AOPEP: variants seen among roughly 807,000 people sequenced by gnomAD.
The protein encoded by AOPEP is aminopeptidase O (putative), also known as aminopeptidase O.
AOPEP carries 77 observed loss-of-function variants against 98.1 expected under a neutral mutation model. The observed-to-expected ratio is 0.78, with a 90% CI of 0.65 to 0.95. AOPEP has a LOEUF of 0.95. Among genes scored for constraint, AOPEP ranks in the 40% least tolerant of loss-of-function variants. AOPEP has a pLI of 0.00. For synonymous variants in AOPEP, 346 were observed against 365.3 expected (o/e 0.95, Z 0.60); for missense variants, 1,024 against 1,024.7 (o/e 1.00, Z 0.01).
chr9:94,798,851 A>G (rs1375848085), intron 4 of AOPEP, among the ~76,000 whole-genome samples: 4 of 152,216 alleles, frequency 2.6e-5, no homozygotes. Context: ...AGTACTTGTC[A>G]TTAGGTGGGC....
intron 5 of AOPEP, among the ~76,000 whole-genome samples, chr9:94,895,989 T>C (rs2136141383): frequency 6.6e-6 from 1 of 152,340 alleles, no homozygotes; most frequent in East Asian, 1.9e-4. Context: ...CTAAAATATT[T>C]GCTATCCTTT....
At chr9:94,940,593 C>CAATA (rs535492432) in intron 7 of AOPEP, among the ~76,000 whole-genome samples, 6 of 151,874 alleles carry the variant, frequency 4.0e-5, no homozygotes, top group Admixed American at 6.6e-5. Flanking sequence ...GACTCCATCT[C>CAATA]AATAAATAAA....
chr9:94,782,390 CTG>C (rs1449887663), intron 3 of AOPEP, among the ~76,000 whole-genome samples: 1 of 152,166 alleles, frequency 6.6e-6, no homozygotes, highest in African/African-American at 2.4e-5. Context: ...AAAAGTAAGA[CTG>C]TAGACATTAC....
chr9:94,869,623 G>C (rs1254434501), intron 5 of AOPEP, among the ~76,000 whole-genome samples: 1 of 152,214 alleles, frequency 6.6e-6, no homozygotes, highest in African/African-American at 2.4e-5. Context: ...TTTTGGGTTA[G>C]ACCATTTACC....
rs1257070119 is a variant in AOPEP at position 94,800,885 on chromosome 9, T to G, written c.1247T>G (p.Leu416Arg). ...VCLTGACQETLLRLIPPCLSA... is the reference protein window; with the variant it reads ...VCLTGACQETRLRLIPPCLSA... Reference sequence around the variant, plus strand: ...CTCACGGGTGCCTGCCAAGAGACCCTTCTGCGGCTGATCCCTCCTTGCCTC... The same window carrying G: ...CTCACGGGTGCCTGCCAAGAGACCCGTCTGCGGCTGATCCCTCCTTGCCTC... The change falls in exon 5 of 17, where the codon CTT (leucine) becomes CGT (arginine). Residue 416 changes from leucine to arginine, a missense_variant. Leu to Arg is a moderately radical substitution (Grantham distance 102). Coordinates refer to ENST00000375315, the MANE Select transcript of AOPEP (RefSeq NM_001193329.3). The G allele has an allele frequency of 3.7e-6, 6 of 1,614,164 alleles. No individual in the cohort carries two copies. Among genetic ancestry groups the G allele is most frequent in the Non-Finnish European group, 5.1e-6 (6 of 1,180,028 alleles).
Position 94,955,217 on chromosome 9 carries a change from G to A in AOPEP, c.1702G>A (p.Ala568Thr). 6.2e-7 allele frequency: 1 copy of A among 1,613,658 alleles called. No individual in the cohort carries two copies. Among genetic ancestry groups the A allele is most frequent in the South Asian group, 1.1e-5 (1 of 90,950 alleles). The change falls in exon 8 of 17, where the codon GCA becomes ACA. Residue 568 changes from alanine to threonine, a missense_variant. Transcript: ENST00000375315. Reference sequence around the variant, plus strand: ...AACTGGCCACACAAGTGACTCGGGAGCATCTGTTATCAAGCATGGACTTAA... The same window carrying A: ...AACTGGCCACACAAGTGACTCGGGAACATCTGTTATCAAGCATGGACTTAA... ...DKTGHTSDSG[A>T]SVIKHGLNPE...
At chr9:94,727,868 C>T (rs1226754912) in intron 1 of AOPEP, among the ~76,000 whole-genome samples, 1 of 152,152 alleles carries the variant, frequency 6.6e-6, no homozygotes, top group Non-Finnish European at 1.5e-5. Context: ...CAACACTTTG[C>T]ATATGTTTTC....
chr9:94,916,934 G>A (rs571798732), intron 5 of AOPEP, among the ~76,000 whole-genome samples: 20 of 152,188 alleles, frequency 1.3e-4, no homozygotes, highest in Non-Finnish European at 2.1e-4. Context: ...CACATTGAGA[G>A]AGGGAAAGGA....
At position 94,797,159 on chromosome 9, in the gene AOPEP, C is replaced by T. The variant is rs558337794; in HGVS notation, c.1119-3598C>T. ...TGTAAAAAGCACAGAATTGGCCAGG[C>T]GCGGTGGCTCACGCCATTAATCCCA... On this transcript the variant is annotated intron_variant, in intron 4 of 16. Transcript: ENST00000375315. 8.5e-5 allele frequency among the ~76,000 whole-genome samples: 13 copies of T among 152,302 alleles called. No homozygotes were observed. In the South Asian group the frequency reaches 2.3e-3, roughly 27 times the overall value.
chr9:95,060,569 A>T (rs192242826), intron 13 of AOPEP, 125 bp from the exon 14 acceptor site: 3 of 711,370 alleles, frequency 4.2e-6, no homozygotes, highest in East Asian at 2.5e-5. Context: ...CAGTCTTTCC[A>T]TGTTGCCAAT....
At chr9:95,008,894 T>A (rs2062258525) in intron 13 of AOPEP, among the ~76,000 whole-genome samples, 1 of 152,246 alleles carries the variant, frequency 6.6e-6, no homozygotes. Context: ...ATGACTGAAT[T>A]CTTTTATATT....
chr9:95,035,918 G>T (rs1361621616), intron 13 of AOPEP, among the ~76,000 whole-genome samples: 3 of 152,024 alleles, frequency 2.0e-5, no homozygotes, highest in African/African-American at 4.8e-5. Flanking sequence ...AGTTATGACA[G>T]ACTTCCCTCC....
chr9:95,063,856 C>T (rs145880534), intron 14 of AOPEP, among the ~76,000 whole-genome samples: 119 of 151,756 alleles, frequency 7.8e-4, no homozygotes, highest in Non-Finnish European at 1.3e-3. Flanking sequence ...CCCAGGTGCT[C>T]GTGTGCACGT....
the AOPEP span, chr9:95,117,501 G>A: frequency 2.6e-6 from 2 of 771,098 alleles, no homozygotes; most frequent in Non-Finnish European, 4.5e-6. Context: ...GTACTAACAT[G>A]GTCAGAACAC....
intron 11 of AOPEP, among the ~76,000 whole-genome samples, chr9:94,985,690 T>G (rs927424353): frequency 6.6e-6 from 1 of 152,266 alleles, no homozygotes; most frequent in Non-Finnish European, 1.5e-5. Context: ...ATATCTATAA[T>G]AGCAGTTGCC....
chr9:95,135,499 C>T, the AOPEP span: 3 of 1,613,774 alleles, frequency 1.9e-6, no homozygotes, highest in East Asian at 6.7e-5. Context: ...GAGAAATCTT[C>T]TTCCTTTCAG....
intron 5 of AOPEP, among the ~76,000 whole-genome samples, chr9:94,922,785 A>T (rs777965825): frequency 3.3e-4 from 51 of 152,312 alleles, no homozygotes; most frequent in Non-Finnish European, 6.8e-4. Flanking sequence ...TTTCATTTGC[A>T]TGCCTGCCCT....
chr9:94,852,125 G>A (rs910503107), intron 5 of AOPEP, among the ~76,000 whole-genome samples: 7 of 152,124 alleles, frequency 4.6e-5, no homozygotes, highest in Non-Finnish European at 7.4e-5. Flanking sequence ...GGCTGCTATG[G>A]GAGATGCCTT....
chr9:94,863,916 GT>G (rs1439387326), intron 5 of AOPEP, among the ~76,000 whole-genome samples: 2 of 152,156 alleles, frequency 1.3e-5, no homozygotes, highest in African/African-American at 4.8e-5. Flanking sequence ...CATCTTACCA[GT>G]TCAAACCTAG....
Sources: gnomAD v4.1 joint callset for allele counts (sites outside exome capture counted in the v4.1 genomes callset) on GRCh38, gnomAD v4.1.1 for gene constraint, MANE v1.5 for transcripts, NCBI Gene and HGNC (gene_info 2026-07-23, HGNC 2026-07-21) for gene names.